The following TMEM217 variants were observed in gnomAD, a reference collection of about 807,000 sequenced individuals.
TMEM217 encodes the protein chromosome 6 open reading frame 128.
For missense variants in TMEM217, 204 were observed against 248.8 expected (o/e 0.82, Z 1.21); for synonymous variants, 76 against 88.3 (o/e 0.86, Z 0.78).
chr6:37,226,258 TTA>T, intron 1 of TMEM217, among the ~76,000 whole-genome samples: 1 of 150,148 alleles, frequency 6.7e-6, no homozygotes, highest in Non-Finnish European at 1.5e-5. Context: ...TTGTTTTGTT[TTA>T]TTTTGTTTTT....
downstream of TMEM217, among the ~76,000 whole-genome samples, chr6:37,217,390 A>G (rs934156334): frequency 2.6e-5 from 4 of 152,220 alleles, no homozygotes; most frequent in Non-Finnish European, 5.9e-5. Flanking sequence ...GTCTTATATG[A>G]TTGGCTAATT....
rs149403658 is a variant in TMEM217 at position 37,253,168 on chromosome 6, T to A, written c.-12+4400A>T. Among the ~76,000 whole-genome samples, 1,428 of 152,320 alleles carry A rather than the reference T, an allele frequency of 9.4e-3. 20 individuals carry two copies. The highest frequency in any genetic ancestry group is 0.031 in the African/African-American group (1,296 of 41,558). On this transcript the variant is annotated intron_variant, in intron 1 of 1. Transcript: ENST00000357219. ...ACCTTTTTGATGTGCTATGTAGCAT[T>A]CAAATTTGCCCTCTTTAATGGTATA... is the stretch of plus-strand genomic sequence containing the variant.
chr6:37,215,046 C>A, downstream of TMEM217: 1 of 882,120 alleles, frequency 1.1e-6, no homozygotes, highest in Non-Finnish European at 1.7e-6. Flanking sequence ...AAGGAAATGT[C>A]TGTATAAAGC....
At chr6:37,241,106 T>C (rs1023480912) in intron 1 of TMEM217, among the ~76,000 whole-genome samples, 12 of 151,332 alleles carry the variant, frequency 7.9e-5, no homozygotes, top group African/African-American at 2.9e-4. Flanking sequence ...ACTCTTTTTT[T>C]TTTTTTTTTT....
chr6:37,252,613 G>GTA (rs1765478794), intron 1 of TMEM217, among the ~76,000 whole-genome samples: 1 of 90,034 alleles, frequency 1.1e-5, no homozygotes, highest in African/African-American at 4.1e-5. Context: ...GTGTGTATGT[G>GTA]TGTGTATATA....
At chr6:37,217,421 C>A (rs1421855169), downstream of TMEM217, among the ~76,000 whole-genome samples, 2 of 152,220 alleles carry the variant, frequency 1.3e-5, no homozygotes, top group African/African-American at 4.8e-5. Flanking sequence ...CAATAATTTA[C>A]TTTCTTCCAC....
intron 1 of TMEM217, among the ~76,000 whole-genome samples, chr6:37,252,637 ATTTT>A (rs374265453): frequency 7.0e-3 from 499 of 71,246 alleles, no homozygotes; most frequent in African/African-American, 0.021. Flanking sequence ...ATATATATAT[ATTTT>A]TTTTTTTTTT....
At chr6:37,235,787 G>A (rs1764470893) in intron 1 of TMEM217, among the ~76,000 whole-genome samples, 1 of 152,172 alleles carries the variant, frequency 6.6e-6, no homozygotes, top group Non-Finnish European at 1.5e-5. Context: ...CTCACAGGGA[G>A]GAAAGTAGAA....
chr6:37,238,158 A>T (rs1764588572), intron 1 of TMEM217, among the ~76,000 whole-genome samples: 2 of 63,980 alleles, frequency 3.1e-5, no homozygotes, highest in South Asian at 8.2e-4. Context: ...AAGTAGAATT[A>T]AAAACACTGA....
At chr6:37,222,048 C>G (rs1367825226) in intron 1 of TMEM217, among the ~76,000 whole-genome samples, 1 of 152,194 alleles carries the variant, frequency 6.6e-6, no homozygotes, top group Admixed American at 6.5e-5. Flanking sequence ...TGCAGCTGGT[C>G]GTCCTATCAT....
At chr6:37,233,204 C>T (rs112523897) in intron 1 of TMEM217, among the ~76,000 whole-genome samples, 3 of 151,380 alleles carry the variant, frequency 2.0e-5, no homozygotes, top group African/African-American at 7.3e-5. Flanking sequence ...GATATTAACA[C>T]TCTTCTACCC....
At chr6:37,232,218 A>G (rs890531335) in intron 1 of TMEM217, among the ~76,000 whole-genome samples, 2 of 152,188 alleles carry the variant, frequency 1.3e-5, no homozygotes, top group African/African-American at 2.4e-5. Flanking sequence ...GTTGATGCAA[A>G]TAGAATTAGA....
At chr6:37,218,767 G>C in exon 2 of TMEM217, 1 of 1,614,110 alleles carries the variant, frequency 6.2e-7, no homozygotes, top group Non-Finnish European at 8.5e-7. Context: ...TGAAGATCTG[G>C]GCATACACTG....
At chr6:37,222,550 G>A (rs1038613119) in intron 1 of TMEM217, among the ~76,000 whole-genome samples, 16 of 152,216 alleles carry the variant, frequency 1.1e-4, no homozygotes, top group Admixed American at 2.6e-4. Flanking sequence ...CTTGTCCCTG[G>A]CTCCTGCCTG....
At chr6:37,231,369 C>A (rs1446336363) in intron 1 of TMEM217, among the ~76,000 whole-genome samples, 1 of 150,720 alleles carries the variant, frequency 6.6e-6, no homozygotes, top group Non-Finnish European at 1.5e-5. Flanking sequence ...CACACCTGGC[C>A]TCCATTTAAT....
At chr6:37,228,596 C>T (rs983354263) in intron 1 of TMEM217, among the ~76,000 whole-genome samples, 4 of 152,182 alleles carry the variant, frequency 2.6e-5, no homozygotes, top group South Asian at 2.1e-4. Flanking sequence ...CCCAGATACT[C>T]GGGAGGCTGA....
chr6:37,257,834 G>T, exon 1 of TMEM217: 1 of 1,501,874 alleles, frequency 6.7e-7, no homozygotes, highest in Non-Finnish European at 9.1e-7. Flanking sequence ...AGCGGCCTGG[G>T]TTGGCCCTCA....
downstream of TMEM217, among the ~76,000 whole-genome samples, chr6:37,215,570 CAAAAAAAAAAAAAA>C (rs34808595): frequency 2.3e-4 from 17 of 72,368 alleles, no homozygotes; most frequent in South Asian, 1.6e-3. Flanking sequence ...GACTCTGTCT[CAAAAAAAAAAAAAA>C]AAAAAAAAAA....
intron 1 of TMEM217, among the ~76,000 whole-genome samples, chr6:37,224,624 A>G (rs1319780391): frequency 3.0e-4 from 44 of 148,184 alleles, no homozygotes; most frequent in Non-Finnish European, 6.0e-4. Context: ...CGAAAAAAAA[A>G]CCTTTTATTT....
Sources: allele counts gnomAD v4.1 joint callset (sites outside exome capture counted in the v4.1 genomes callset), GRCh38; gene constraint gnomAD v4.1.1; transcripts MANE v1.5; gene names NCBI Gene and HGNC (gene_info 2026-07-23, HGNC 2026-07-21).